Variants in DNAJC6 observed in about 807,000 individuals in gnomAD.
DNAJC6 encodes the protein auxilin.
Under a neutral mutation model 110.0 loss-of-function variants are expected in DNAJC6, and 34 were observed. That is an observed-to-expected ratio of 0.31 (90% CI 0.24 to 0.41). The LOEUF is 0.41. Ranked by LOEUF, DNAJC6 falls within the 10% of genes least tolerant of loss-of-function variation. The pLI, the probability that DNAJC6 is intolerant of heterozygous loss-of-function variation, is 1.00. For missense variants in DNAJC6, 1,031 were observed against 1,207.8 expected, an observed-to-expected ratio of 0.85 and a Z score of 2.17; for synonymous variants, 406 against 437.2, an observed-to-expected ratio of 0.93 and a Z score of 0.89.
chr1:65,291,638 T>C (rs1644875640), intron 1 of DNAJC6, among the ~76,000 whole-genome samples: 1 of 152,140 alleles, frequency 6.6e-6, no homozygotes, highest in African/African-American at 2.4e-5. Context: ...CAGGTTTTAC[T>C]GGGTGTAGAA....
rs149484247 is a variant in DNAJC6 at position 65,365,518 on chromosome 1, C to G, written c.345-367C>G. Among the ~76,000 whole-genome samples, 12 of 152,254 alleles carry G rather than the reference C, an allele frequency of 7.9e-5. No individual in the cohort carries two copies. The East Asian group carries it at 2.3e-3, about 29-fold the overall frequency. ...AAAAATGGTGTCATTTATTTTTTCTCAACCACTTCTTCCCCTACCCCTTAG... is the reference window on the plus strand; with the variant it reads ...AAAAATGGTGTCATTTATTTTTTCTGAACCACTTCTTCCCCTACCCCTTAG... On this transcript the variant is annotated intron_variant, in intron 2 of 18. Transcript: ENST00000371069.
chr1:65,327,656 A>G (rs1645253314), intron 1 of DNAJC6, among the ~76,000 whole-genome samples: 2 of 152,204 alleles, frequency 1.3e-5, no homozygotes, highest in South Asian at 4.1e-4. Context: ...TCAACATTTC[A>G]TGTCTGGGTA....
At chr1:65,344,660 T>C (rs1377809092) in intron 1 of DNAJC6, among the ~76,000 whole-genome samples, 3 of 152,198 alleles carry the variant, frequency 2.0e-5, no homozygotes, top group East Asian at 1.9e-4. Context: ...CATGCCAAGA[T>C]TGAGGTCATA....
chr1:65,266,139 C>T (rs1653319829), intron 1 of DNAJC6, among the ~76,000 whole-genome samples: 1 of 152,228 alleles, frequency 6.6e-6, no homozygotes, highest in African/African-American at 2.4e-5. Flanking sequence ...CAACGCAGGC[C>T]CCAAAGCTCT....
intron 1 of DNAJC6, among the ~76,000 whole-genome samples, chr1:65,350,803 C>T (rs1177809551): frequency 6.6e-6 from 1 of 152,206 alleles, no homozygotes; most frequent in Non-Finnish European, 1.5e-5. Context: ...CTGAGATGCT[C>T]AGCAAGAGCT....
At chr1:65,394,262 G>T (rs1645956687) in intron 12 of DNAJC6, among the ~76,000 whole-genome samples, 1 of 152,148 alleles carries the variant, frequency 6.6e-6, no homozygotes, top group African/African-American at 2.4e-5. Context: ...CTGAGGCTTA[G>T]ATGTATTGAT....
intron 1 of DNAJC6, among the ~76,000 whole-genome samples, chr1:65,358,604 T>G (rs1645569699): frequency 6.6e-6 from 1 of 152,250 alleles, no homozygotes; most frequent in African/African-American, 2.4e-5. Flanking sequence ...TTCTCTAAAC[T>G]GAGATAGTTT....
Position 65,401,750 on chromosome 1 carries a change from T to A in DNAJC6, c.2108-11T>A, listed in dbSNP as rs747944803. ...ACTAACTCATTTTCAATGACCTTATTTCCTTTTCAGGAGGCTTTGGAATGG... is the reference window on the plus strand; with the variant it reads ...ACTAACTCATTTTCAATGACCTTATATCCTTTTCAGGAGGCTTTGGAATGG... On this transcript the variant is annotated splice_polypyrimidine_tract_variant and intron_variant, in intron 14 of 18. Coordinates refer to ENST00000371069, the MANE Select transcript of DNAJC6 (RefSeq NM_001256864.2). The A allele has an allele frequency of 1.9e-6, 3 of 1,606,504 alleles. No homozygotes were observed. The highest frequency in any genetic ancestry group is 2.2e-5 in the East Asian group (1 of 44,784).
In DNAJC6 at chr1:65,379,319, A is replaced by G. The variant is rs973492974; in HGVS notation, c.544-83A>G. 2.4e-5 allele frequency: 37 copies of G among 1,547,590 alleles called. No individual in the cohort carries two copies. In the Middle Eastern group the frequency reaches 5.1e-4, roughly 21 times the overall value. On this transcript the variant is annotated intron_variant, in intron 4 of 18. Coordinates refer to ENST00000371069, the MANE Select transcript of DNAJC6 (RefSeq NM_001256864.2). ...TAAGAGAGGATGTGGTATCACTTCCAGAAGATGTTGGTTGGTGTGATAACC... is the reference window on the plus strand; with the variant it reads ...TAAGAGAGGATGTGGTATCACTTCCGGAAGATGTTGGTTGGTGTGATAACC...
At chr1:65,341,544 C>T (rs186715681) in intron 1 of DNAJC6, among the ~76,000 whole-genome samples, 1 of 152,144 alleles carries the variant, frequency 6.6e-6, no homozygotes, top group Admixed American at 6.6e-5. Context: ...AGGCTGTGAC[C>T]CTGGGTTTGT....
chr1:65,388,278 T>A (rs1645891304), intron 8 of DNAJC6, 58 bp from the exon 9 acceptor site: 9 of 1,459,724 alleles, frequency 6.2e-6, no homozygotes, highest in Admixed American at 1.7e-5. Context: ...ATCTAATCTT[T>A]TGATCAGATT....
intron 15 of DNAJC6, 115 bp from the exon 16 acceptor site, chr1:65,405,755 T>C: frequency 8.0e-7 from 1 of 1,247,054 alleles, no homozygotes; most frequent in Non-Finnish European, 1.1e-6. Flanking sequence ...GGAAGATTAC[T>C]TATGCTGTCA....
chr1:65,330,703 G>A (rs12080704), intron 1 of DNAJC6, among the ~76,000 whole-genome samples: 1,709 of 152,236 alleles, frequency 0.011, 37 homozygotes, highest in African/African-American at 0.038. Context: ...TCCTGACCTC[G>A]TGATCCGCCA....
rs1191025180 is a variant in DNAJC6, at chr1:65,413,096, C to T, written c.*71C>T. On this transcript the variant is annotated 3_prime_UTR_variant, in exon 19 of 19. Transcript: ENST00000371069. ...GTGTGTGTCACAATTCTGAGGTTTT[C>T]GCAGATGAACCAAAAACTCCAGTAA... The T allele has an allele frequency of 7.4e-6, 10 of 1,355,598 alleles. No individual in the cohort carries two copies. Among genetic ancestry groups the T allele is most frequent in the South Asian group, 5.0e-5 (4 of 79,714 alleles). The allele number at this position is 1,355,598 out of a possible 1,614,324, so 84.0% of individuals were successfully genotyped here.
intron 13 of DNAJC6, among the ~76,000 whole-genome samples, chr1:65,398,598 G>A (rs1377105973): frequency 2.6e-5 from 4 of 152,186 alleles, no homozygotes; most frequent in Non-Finnish European, 5.9e-5. Context: ...ATAATATGTC[G>A]TTTCTGTCAA....
chr1:65,309,009 A>G (rs897449761), upstream of DNAJC6, among the ~76,000 whole-genome samples: 1 of 152,170 alleles, frequency 6.6e-6, no homozygotes, highest in Non-Finnish European at 1.5e-5. Flanking sequence ...TCTGGCACTT[A>G]ACATGCATTC....
chr1:65,282,958 T>A (rs765417432), intron 1 of DNAJC6, among the ~76,000 whole-genome samples: 1 of 152,348 alleles, frequency 6.6e-6, no homozygotes, highest in East Asian at 1.9e-4. Context: ...TTTTGCCTTG[T>A]TGACTTAAGA....
At chr1:65,387,707 A>G (rs1271930610) in intron 8 of DNAJC6, among the ~76,000 whole-genome samples, 2 of 152,226 alleles carry the variant, frequency 1.3e-5, no homozygotes, top group Non-Finnish European at 2.9e-5. Context: ...GTTAATAATC[A>G]TCAGTTGGTG....
chr1:65,343,832 G>A (rs1204566654), intron 1 of DNAJC6, among the ~76,000 whole-genome samples: 1 of 152,200 alleles, frequency 6.6e-6, no homozygotes, highest in Non-Finnish European at 1.5e-5. Context: ...GAAGGAAAAA[G>A]GGAATTCACG....
Sources: allele counts gnomAD v4.1 joint callset (sites outside exome capture counted in the v4.1 genomes callset), GRCh38; gene constraint gnomAD v4.1.1; transcripts MANE v1.5; gene names NCBI Gene and HGNC (gene_info 2026-07-23, HGNC 2026-07-21).